BATF3: variants seen among roughly 807,000 people sequenced by gnomAD.
The protein encoded by BATF3 is basic leucine zipper transcriptional factor ATF-like 3.
In BATF3, 8 loss-of-function variants were observed where a neutral mutation model predicts 16.1. That is an observed-to-expected ratio of 0.50 (90% confidence interval 0.29 to 0.90). BATF3 has a LOEUF of 0.90. BATF3 is among the 40% of genes least tolerant of loss of function. BATF3 has a pLI of 0.08. For missense variants in BATF3, 139 were observed against 167.0 expected (o/e 0.83, Z 0.92); for synonymous variants, 74 against 72.7 (o/e 1.02, Z -0.09).
chr1:212,689,349 G>A lies in BATF3; in HGVS notation c.196-2370C>T, dbSNP rs868524091. ...CCCTTTAAGAACCAAGGGGTCTGGC[G>A]GGGCTGCCTGTAGGGTCTATCTGAG... On this transcript the variant is annotated intron_variant, in intron 2 of 2. Coordinates refer to ENST00000243440, the MANE Select transcript of BATF3 (RefSeq NM_018664.3). The surrounding 1 kb of genome is among the most constrained non-coding windows in gnomAD (Gnocchi z 4.6). 2.0e-5 allele frequency among the ~76,000 whole-genome samples: 3 copies of A among 152,118 alleles called. No homozygotes were observed. The highest frequency in any genetic ancestry group is 6.5e-5 in the Admixed American group (1 of 15,268).
At chr1:212,696,806 G>A (rs1657143256) in intron 2 of BATF3, among the ~76,000 whole-genome samples, 155 bp downstream of exon 2, 1 of 152,170 alleles carries the variant, frequency 6.6e-6, no homozygotes, top group Admixed American at 6.5e-5. Context: ...ACACGTCCGT[G>A]AGCAAACAGT....
chr1:212,696,970 C>T lies in BATF3; in HGVS notation c.186G>A (p.Lys62=), dbSNP rs1213289994. Residue 62 remains lysine (K), a synonymous_variant, in exon 2 of 3, where the codon AAG becomes AAA. Coordinates refer to ENST00000243440, the MANE Select transcript of BATF3 (RefSeq NM_018664.3). ...SRKKQTQKAD[K]LHEEYESLEQ... is the part of the protein sequence containing the mutation. ...CCTACCACGGTCTCACCTCATGGAGCTTGTCAGCCTTCTGGGTCTGCTTCT... is the reference window on the plus strand; with the variant it reads ...CCTACCACGGTCTCACCTCATGGAGTTTGTCAGCCTTCTGGGTCTGCTTCT... 6.2e-7 allele frequency: 1 copy of T among 1,614,156 alleles called. No homozygotes were observed. Among genetic ancestry groups the T allele is most frequent in the African/African-American group, 1.3e-5 (1 of 75,056 alleles).
At position 212,686,544 on chromosome 1, in the gene BATF3, A is replaced by G; in HGVS notation, c.*247T>C. On this transcript the variant is annotated 3_prime_UTR_variant, in exon 3 of 3. Transcript: ENST00000243440. Reference sequence around the variant, plus strand: ...ATAACAGCAGAACCTACTAGCTGCCAGGGTGGATGAGAAGTCACTCCTGAG... The same window carrying G: ...ATAACAGCAGAACCTACTAGCTGCCGGGGTGGATGAGAAGTCACTCCTGAG... 1.9e-6 allele frequency: 1 copy of G among 521,562 alleles called. No homozygotes were observed. The allele number at this position is 521,562 out of a possible 1,614,324, so 32.3% of individuals were successfully genotyped here.
chr1:212,698,939 C>A (rs907937362), intron 1 of BATF3, among the ~76,000 whole-genome samples: 7 of 152,210 alleles, frequency 4.6e-5, no homozygotes, highest in African/African-American at 1.4e-4. Context: ...AAAGCCCAGG[C>A]CCAAACTCAG....
intron 1 of BATF3, chr1:212,698,544 T>C (rs7547458): frequency 0.37 from 56,357 of 151,964 alleles, 10,735 homozygotes; most frequent in African/African-American, 0.45. Context: ...GCTCCCAGCA[T>C]ACAGTATGCC....
At chr1:212,694,434 T>A (rs1471206989) in intron 2 of BATF3, among the ~76,000 whole-genome samples, 1 of 152,080 alleles carries the variant, frequency 6.6e-6, no homozygotes, top group African/African-American at 2.4e-5. Flanking sequence ...TGTGACCCAA[T>A]GGCAATGCCT....
rs188230194 is a variant in BATF3 at position 212,686,581 on chromosome 1, T to G, written c.*210A>C. On this transcript the variant is annotated 3_prime_UTR_variant, in exon 3 of 3. Transcript: ENST00000243440. ...AAGTCACTCCTGAGGGTGGCCTCCA[T>G]GCTGGATCTGCACAAGGGCTCTGTG... 8 of 732,712 alleles carry G rather than the reference T, an allele frequency of 1.1e-5. No individual in the cohort carries two copies. Among genetic ancestry groups the G allele is most frequent in the Non-Finnish European group, 1.3e-5 (6 of 473,462 alleles). 45.4% of individuals were successfully genotyped at this position (732,712 alleles called of 1,614,324 possible). A position where few individuals can be genotyped will look rare whatever the true frequency, so the allele number is the denominator to read the frequency against.
At chr1:212,693,055 T>C (rs1657038257) in intron 2 of BATF3, among the ~76,000 whole-genome samples, 1 of 152,198 alleles carries the variant, frequency 6.6e-6, no homozygotes, top group South Asian at 2.1e-4. Flanking sequence ...CCCAAGGGGC[T>C]TTCTGTCATG....
chr1:212,696,807 A>T (rs901483831), intron 2 of BATF3, among the ~76,000 whole-genome samples, 154 bp downstream of exon 2: 1 of 152,198 alleles, frequency 6.6e-6, no homozygotes, highest in Non-Finnish European at 1.5e-5. Context: ...CACGTCCGTG[A>T]GCAAACAGTG....
In BATF3 at chr1:212,689,837, T is replaced by A. The variant is rs1356456738; in HGVS notation, c.196-2858A>T. ...CACACACACTCTCACACACACACAC[T>A]CATACACAACCACAGACACACACAC... On this transcript the variant is annotated intron_variant, in intron 2 of 2. Coordinates refer to ENST00000243440, the MANE Select transcript of BATF3 (RefSeq NM_018664.3). The surrounding 1 kb of genome is among the most constrained non-coding windows in gnomAD (Gnocchi z 4.6). Among the ~76,000 whole-genome samples the A allele has an allele frequency of 1.4e-5, 2 of 145,658 alleles. No individual in the cohort carries two copies. The highest frequency in any genetic ancestry group is 3.0e-5 in the Non-Finnish European group (2 of 66,518).
At chr1:212,695,067 C>A (rs149613993) in intron 2 of BATF3, among the ~76,000 whole-genome samples, 1 of 152,194 alleles carries the variant, frequency 6.6e-6, no homozygotes, top group Non-Finnish European at 1.5e-5. Context: ...CTTGCTGAGA[C>A]GAGCATGGCA....
chr1:212,699,126 G>C lies in BATF3; in HGVS notation c.90+547C>G, dbSNP rs1352560805. ...TGGTCTCCTTCCTGACTGCGCCGCTGTAAACGTTGCTAGGGGACAGCGAAC... is the reference window on the plus strand; with the variant it reads ...TGGTCTCCTTCCTGACTGCGCCGCTCTAAACGTTGCTAGGGGACAGCGAAC... On this transcript the variant is annotated intron_variant, in intron 1 of 2. Coordinates refer to ENST00000243440, the MANE Select transcript of BATF3 (RefSeq NM_018664.3). This position sits in a 1 kb window ranked among gnomAD's most constrained non-coding sequence, Gnocchi z 4.4. 6.6e-6 allele frequency among the ~76,000 whole-genome samples: 1 copy of C among 152,250 alleles called. No individual in the cohort carries two copies. Among genetic ancestry groups the C allele is most frequent in the African/African-American group, 2.4e-5 (1 of 41,474 alleles).
chr1:212,689,442 A>T lies in BATF3; in HGVS notation c.196-2463T>A, dbSNP rs1656941575. The stretch of plus-strand genomic sequence containing the variant: ...CAGGGCAGCAAGCTGTTCTGGGGCC[A>T]TGTGGCTTCACCAGTACACTGGCCC... On this transcript the variant is annotated intron_variant, in intron 2 of 2. Transcript: ENST00000243440. This position sits in a 1 kb window ranked among gnomAD's most constrained non-coding sequence, Gnocchi z 4.6. Among the ~76,000 whole-genome samples the T allele has an allele frequency of 6.6e-6, 1 of 152,114 alleles. No individual in the cohort carries two copies. Among genetic ancestry groups the T allele is most frequent in the African/African-American group, 2.4e-5 (1 of 41,394 alleles).
At chr1:212,691,773 G>A (rs1558020256) in intron 2 of BATF3, among the ~76,000 whole-genome samples, 2 of 152,342 alleles carry the variant, frequency 1.3e-5, no homozygotes, top group East Asian at 3.9e-4. Flanking sequence ...CACCTTTGGG[G>A]TGCCTGGTCG....
chr1:212,688,827 C>T (rs1490387215), intron 2 of BATF3, among the ~76,000 whole-genome samples: 1 of 152,232 alleles, frequency 6.6e-6, no homozygotes, highest in Non-Finnish European at 1.5e-5. Flanking sequence ...GTACCATGCA[C>T]ACCATGCATT....
chr1:212,693,610 G>A (rs1657055326), intron 2 of BATF3, among the ~76,000 whole-genome samples: 2 of 152,254 alleles, frequency 1.3e-5, no homozygotes, highest in African/African-American at 4.8e-5. Context: ...TGGCATGACT[G>A]TCATGCAACA....
At chr1:212,693,067 C>T (rs1318349552) in intron 2 of BATF3, among the ~76,000 whole-genome samples, 1 of 152,158 alleles carries the variant, frequency 6.6e-6, no homozygotes, top group East Asian at 1.9e-4. Context: ...TCTGTCATGG[C>T]CCGCAGTAGT....
chr1:212,689,398 G>C lies in BATF3; in HGVS notation c.196-2419C>G, dbSNP rs571402474. ...AGCCATTCCCCAGGCAGGTTCCCAG[G>C]GTGGTCTGGAGCACTCTCCAGGGCA... On this transcript the variant is annotated intron_variant, in intron 2 of 2. Coordinates refer to ENST00000243440, the MANE Select transcript of BATF3 (RefSeq NM_018664.3). The surrounding 1 kb of genome is among the most constrained non-coding windows in gnomAD (Gnocchi z 4.6). Among the ~76,000 whole-genome samples, 32 of 152,280 alleles carry C rather than the reference G, an allele frequency of 2.1e-4. No homozygotes were observed. Among genetic ancestry groups the C allele is most frequent in the Admixed American group, 7.8e-4 (12 of 15,296 alleles).
intron 2 of BATF3, among the ~76,000 whole-genome samples, chr1:212,693,450 T>C (rs1657049140): frequency 1.3e-5 from 2 of 152,180 alleles, no homozygotes; most frequent in Non-Finnish European, 2.9e-5. Context: ...CCTGTGATTC[T>C]CAATAAAGCT....
Sources: gnomAD v4.1 joint callset for allele counts (sites outside exome capture counted in the v4.1 genomes callset) on GRCh38, gnomAD v4.1.1 for gene constraint, Gnocchi (gnomAD v3.1) non-coding constraint, MANE v1.5 for transcripts, NCBI Gene and HGNC (gene_info 2026-07-23, HGNC 2026-07-21) for gene names.